The following HDAC9 variants were observed in gnomAD, a reference collection of about 807,000 sequenced individuals.
HDAC9 encodes the protein MEF-2 interacting transcription repressor (MITR) protein.
Under a neutral mutation model 139.4 loss-of-function variants are expected in HDAC9, and 41 were observed. That is an observed-to-expected ratio of 0.29 (90% CI 0.23 to 0.38). The LOEUF (loss-of-function observed/expected upper bound fraction) is 0.38, where lower values mean the gene tolerates loss of function less well. HDAC9 is among the 10% of genes least tolerant of loss of function. The pLI, the probability that HDAC9 is intolerant of heterozygous loss-of-function variation, is 1.00. For missense variants in HDAC9, 1,147 were observed against 1,297.0 expected (o/e 0.88, Z 1.78); for synonymous variants, 517 against 476.2 (o/e 1.09, Z -1.12).
At chr7:18,607,117 C>A (rs73309436) in intron 6 of HDAC9, among the ~76,000 whole-genome samples, 3,987 of 152,076 alleles carry the variant, frequency 0.026, 176 homozygotes, top group African/African-American at 0.091. Context: ...AATCAATGAA[C>A]AAAATGATTT....
intron 12 of HDAC9, among the ~76,000 whole-genome samples, chr7:18,685,362 T>C (rs543388436): frequency 2.0e-5 from 3 of 148,242 alleles, no homozygotes; most frequent in African/African-American, 7.4e-5. Context: ...GAAGAGCCAG[T>C]TTTTTTTTTG....
At chr7:18,360,076 T>G (rs1298286629) in intron 1 of HDAC9, among the ~76,000 whole-genome samples, 2 of 152,244 alleles carry the variant, frequency 1.3e-5, no homozygotes, top group African/African-American at 4.8e-5. Flanking sequence ...CCTCACTTCT[T>G]GCTCTTCTGC....
At chr7:18,791,347 C>A (rs1484524729) in intron 16 of HDAC9, among the ~76,000 whole-genome samples, 1 of 152,086 alleles carries the variant, frequency 6.6e-6, no homozygotes, top group Non-Finnish European at 1.5e-5. Flanking sequence ...CTGATTAATG[C>A]AGGCTTTTCT....
At chr7:18,912,861 G>T (rs1005820839) in intron 22 of HDAC9, among the ~76,000 whole-genome samples, 1 of 152,042 alleles carries the variant, frequency 6.6e-6, no homozygotes, top group African/African-American at 2.4e-5. Context: ...GGTTTGAGAG[G>T]TAGGTATTAT....
chr7:18,193,738 T>C (rs911018868), intron 2 of HDAC9, among the ~76,000 whole-genome samples: 5 of 152,176 alleles, frequency 3.3e-5, no homozygotes, highest in Non-Finnish European at 5.9e-5. Context: ...CTCTATGAGC[T>C]GATTTTTTTT....
At chr7:18,932,373 A>G (rs995510324) in intron 22 of HDAC9, among the ~76,000 whole-genome samples, 1 of 152,182 alleles carries the variant, frequency 6.6e-6, no homozygotes, top group African/African-American at 2.4e-5. Context: ...GAGACATTAC[A>G]TATTCTTAAA....
chr7:18,466,903 C>T (rs1259462497), intron 1 of HDAC9, among the ~76,000 whole-genome samples: 15 of 152,214 alleles, frequency 9.9e-5, no homozygotes, highest in Admixed American at 3.3e-4. Flanking sequence ...TTCTCAATCT[C>T]CTTATTTCTA....
intron 23 of HDAC9, among the ~76,000 whole-genome samples, chr7:18,951,691 A>G (rs934018076): frequency 6.6e-6 from 1 of 151,932 alleles, no homozygotes; most frequent in Non-Finnish European, 1.5e-5. Flanking sequence ...TAAATTAAAT[A>G]CATAGCAAAA....
rs570031806 is a variant in HDAC9, at chr7:18,129,901, C to G, written c.-96-32328C>G. Among the ~76,000 whole-genome samples the G allele has an allele frequency of 7.2e-5, 11 of 152,234 alleles. No individual in the cohort carries two copies. In the East Asian group the frequency reaches 1.9e-3, roughly 27 times the overall value. On this transcript the variant is annotated intron_variant, in intron 1 of 12. Coordinates refer to the HDAC9 transcript ENST00000417496. ...TCCGGTTTCAAGTGAATGAGAATAA[C>G]AGTGTCACCCACTCTAGAATGGATA...
At chr7:18,285,405 T>G (rs1333183522) in intron 2 of HDAC9, among the ~76,000 whole-genome samples, 1 of 152,148 alleles carries the variant, frequency 6.6e-6, no homozygotes. Flanking sequence ...TCAGTGACAC[T>G]TTAAAGTAGC....
At chr7:18,680,505 T>A (rs1028061139) in intron 12 of HDAC9, among the ~76,000 whole-genome samples, 2 of 151,930 alleles carry the variant, frequency 1.3e-5, no homozygotes, top group Admixed American at 6.6e-5. Flanking sequence ...TACCATGGAC[T>A]TTTAGACGGC....
intron 14 of HDAC9, among the ~76,000 whole-genome samples, chr7:18,752,974 A>G (rs1788575197): frequency 2.6e-5 from 4 of 152,066 alleles, no homozygotes; most frequent in African/African-American, 9.7e-5. Context: ...CTCGTTGCTA[A>G]CATGTGTCTG....
intron 24 of HDAC9, among the ~76,000 whole-genome samples, chr7:18,955,606 C>A (rs941629131): frequency 3.3e-5 from 5 of 152,030 alleles, no homozygotes. Flanking sequence ...TACCAAGGCA[C>A]AGAGGTTATG....
At chr7:18,354,499 G>T (rs1222930706) in intron 1 of HDAC9, among the ~76,000 whole-genome samples, 1 of 152,170 alleles carries the variant, frequency 6.6e-6, no homozygotes, top group African/African-American at 2.4e-5. Flanking sequence ...TAGAGACTGT[G>T]TTTAGTGGAG....
chr7:18,263,888 G>A (rs980431649), intron 2 of HDAC9, among the ~76,000 whole-genome samples: 12 of 152,054 alleles, frequency 7.9e-5, no homozygotes, highest in Admixed American at 3.9e-4. Context: ...CAAAGTGCTG[G>A]GATTACAGGT....
chr7:18,201,790 T>C (rs557198986), intron 2 of HDAC9, among the ~76,000 whole-genome samples: 1 of 152,320 alleles, frequency 6.6e-6, no homozygotes, highest in South Asian at 2.1e-4. Context: ...TTCTTTTCCT[T>C]GTAAGATGAG....
chr7:18,563,909 G>A (rs1821423872), intron 2 of HDAC9, among the ~76,000 whole-genome samples: 1 of 146,362 alleles, frequency 6.8e-6, no homozygotes, highest in Non-Finnish European at 1.5e-5. Flanking sequence ...AATCTTGGCT[G>A]ACTGCAACCC....
intron 1 of HDAC9, among the ~76,000 whole-genome samples, chr7:18,384,608 G>T (rs1785742854): frequency 6.6e-6 from 1 of 152,038 alleles, no homozygotes; most frequent in Non-Finnish European, 1.5e-5. Context: ...TTAAACATCA[G>T]TAAGTTGAGA....
intron 12 of HDAC9, among the ~76,000 whole-genome samples, chr7:18,698,477 A>G (rs1429325215): frequency 6.6e-6 from 1 of 152,226 alleles, no homozygotes; most frequent in African/African-American, 2.4e-5. Flanking sequence ...CATAAAAGCT[A>G]TAGTTTCTTT....
Sources: gnomAD v4.1 joint callset for allele counts (sites outside exome capture counted in the v4.1 genomes callset) on GRCh38, gnomAD v4.1.1 for gene constraint, MANE v1.5 for transcripts, NCBI Gene and HGNC (gene_info 2026-07-23, HGNC 2026-07-21) for gene names.